TLK1: variants seen among roughly 807,000 people sequenced by gnomAD.
The protein encoded by TLK1 is tousled like kinase 1, also known as serine/threonine-protein kinase tousled-like 1.
TLK1 carries 24 observed loss-of-function variants against 105.3 expected under a neutral mutation model. The observed-to-expected ratio is 0.23, with a 90% CI of 0.17 to 0.32. The LOEUF is 0.32. TLK1 is among the 10% of genes least tolerant of loss of function. The pLI is 1.00. For missense variants in TLK1, 558 were observed against 910.5 expected, an observed-to-expected ratio of 0.61 and a Z score of 4.98; for synonymous variants, 321 against 310.4, an observed-to-expected ratio of 1.03 and a Z score of -0.36.
chr2:171,186,045 A>C (rs1232935643), intron 1 of TLK1, among the ~76,000 whole-genome samples: 1 of 152,226 alleles, frequency 6.6e-6, no homozygotes, highest in African/African-American at 2.4e-5. Flanking sequence ...CATCTTACTC[A>C]CAAGGCTTGG....
At chr2:171,219,434 A>T (rs954125598) in intron 1 of TLK1, among the ~76,000 whole-genome samples, 20 of 152,180 alleles carry the variant, frequency 1.3e-4, no homozygotes, top group Non-Finnish European at 2.5e-4. Context: ...GGTGGCTTAT[A>T]AGCAACAGAA....
At chr2:171,006,453 T>A (rs760185822) in intron 17 of TLK1, 21 bp downstream of exon 17, 219 of 1,545,200 alleles carry the variant, frequency 1.4e-4, no homozygotes, top group Non-Finnish European at 1.9e-4. Flanking sequence ...TTAAAAAAAA[T>A]TAGACAAATT....
In TLK1 at chr2:171,083,453, T is replaced by C. The variant is rs1348233872; in HGVS notation, c.259-601A>G. 4.6e-5 allele frequency among the ~76,000 whole-genome samples: 7 copies of C among 152,342 alleles called. No homozygotes were observed. The East Asian group carries it at 1.3e-3, about 29-fold the overall frequency. On this transcript the variant is annotated intron_variant, in intron 2 of 20. Coordinates refer to ENST00000431350, the MANE Select transcript of TLK1 (RefSeq NM_012290.5). ...AACTGTAACAAAGAAAGAGCTAACA[T>C]TCTGTAGGATGATGTCTGCTTTGTT...
At chr2:171,083,064 G>A (rs981100454) in intron 2 of TLK1, among the ~76,000 whole-genome samples, 1 of 152,092 alleles carries the variant, frequency 6.6e-6, no homozygotes, top group Non-Finnish European at 1.5e-5. Context: ...AGTCAATAAA[G>A]TTCTGCTGTG....
intron 1 of TLK1, among the ~76,000 whole-genome samples, chr2:171,178,125 T>C (rs549325570): frequency 6.6e-6 from 1 of 152,302 alleles, no homozygotes; most frequent in South Asian, 2.1e-4. Flanking sequence ...TACTATATGC[T>C]AGGTTCTATA....
chr2:171,086,980 T>C (rs1052303380), intron 2 of TLK1, among the ~76,000 whole-genome samples: 6 of 152,066 alleles, frequency 3.9e-5, no homozygotes, highest in Non-Finnish European at 7.4e-5. Flanking sequence ...CTAAAACAAC[T>C]AGCAGGGATG....
chr2:171,112,624 A>G (rs565110025), intron 2 of TLK1, among the ~76,000 whole-genome samples: 1 of 152,346 alleles, frequency 6.6e-6, no homozygotes, highest in East Asian at 1.9e-4. Context: ...TATTTAAGGT[A>G]TAAGAGATTA....
At chr2:171,076,892 C>T (rs1688539328) in intron 3 of TLK1, among the ~76,000 whole-genome samples, 1 of 151,346 alleles carries the variant, frequency 6.6e-6, no homozygotes, top group Non-Finnish European at 1.5e-5. Flanking sequence ...CCAGCCTAGG[C>T]AACGAGTGAG....
At chr2:171,015,016 C>G in intron 12 of TLK1, 68 bp from the exon 13 acceptor site, 1 of 1,216,456 alleles carries the variant, frequency 8.2e-7, no homozygotes, top group South Asian at 1.2e-5. Flanking sequence ...TATTTTTACC[C>G]ATGCATCAAT....
chr2:170,997,964 T>G, intron 18 of TLK1, 141 bp from the exon 19 acceptor site: 1 of 497,932 alleles, frequency 2.0e-6, no homozygotes, highest in Non-Finnish European at 3.6e-6. Context: ...CAACTGAACT[T>G]CTGGAGCATT....
chr2:171,172,492 T>C lies in TLK1; in HGVS notation c.-5-54635A>G, dbSNP rs75016629. Among the ~76,000 whole-genome samples the C allele has an allele frequency of 5.6e-3, 845 of 152,214 alleles. 7 individuals carry two copies. Among genetic ancestry groups the C allele is most frequent in the African/African-American group, 0.02 (811 of 41,516 alleles). On this transcript the variant is annotated intron_variant, in intron 1 of 20. Transcript: ENST00000521943. ...AAGTATCTACTTAAACTAGTTGATATGGTTTGAATCTGTGTCCCCACCCAA... is the reference window on the plus strand; with the variant it reads ...AAGTATCTACTTAAACTAGTTGATACGGTTTGAATCTGTGTCCCCACCCAA...
intron 1 of TLK1, among the ~76,000 whole-genome samples, chr2:171,224,536 CCTT>C (rs1361744546): frequency 1.3e-5 from 2 of 152,046 alleles, no homozygotes; most frequent in Non-Finnish European, 2.9e-5. Flanking sequence ...TAAACCTTAT[CCTT>C]CTATTATAGT....
intron 1 of TLK1, among the ~76,000 whole-genome samples, chr2:171,208,291 GTTGTT>G (rs1575659513): frequency 6.6e-6 from 1 of 152,074 alleles, no homozygotes; most frequent in African/African-American, 2.4e-5. Flanking sequence ...TATTCTCACT[GTTGTT>G]TAAGGCATTT....
At chr2:171,224,027 G>A (rs904279525) in intron 1 of TLK1, among the ~76,000 whole-genome samples, 16 of 152,032 alleles carry the variant, frequency 1.1e-4, no homozygotes, top group Admixed American at 5.9e-4. Flanking sequence ...TCTTTGCCCC[G>A]ACCAATGCTA....
At chr2:171,095,541 C>T (rs961283320) in intron 2 of TLK1, among the ~76,000 whole-genome samples, 1 of 152,028 alleles carries the variant, frequency 6.6e-6, no homozygotes, top group African/African-American at 2.4e-5. Flanking sequence ...TAGAAAGACA[C>T]AAGCTACCAA....
chr2:171,148,712 C>T (rs1691893342), intron 1 of TLK1, among the ~76,000 whole-genome samples: 1 of 142,256 alleles, frequency 7.0e-6, no homozygotes, highest in African/African-American at 3.1e-5. Flanking sequence ...GTGACACCCC[C>T]TCTCTACCAA....
chr2:171,039,036 T>C (rs1001334926), intron 11 of TLK1, among the ~76,000 whole-genome samples: 1 of 152,186 alleles, frequency 6.6e-6, no homozygotes. Context: ...TATAGCTTCC[T>C]AGTGATTTCA....
chr2:171,144,916 C>T (rs542197717), intron 1 of TLK1, among the ~76,000 whole-genome samples: 4 of 152,090 alleles, frequency 2.6e-5, no homozygotes, highest in African/African-American at 7.2e-5. Context: ...AAGATTTGAA[C>T]AAGCACTTCA....
intron 11 of TLK1, among the ~76,000 whole-genome samples, chr2:171,034,687 A>G (rs1686233536): frequency 6.6e-6 from 1 of 152,194 alleles, no homozygotes; most frequent in African/African-American, 2.4e-5. Context: ...CTGTGAATGG[A>G]CTAAAAGCCA....
Sources: allele counts gnomAD v4.1 joint callset (sites outside exome capture counted in the v4.1 genomes callset), GRCh38; gene constraint gnomAD v4.1.1; transcripts MANE v1.5; gene names NCBI Gene and HGNC (gene_info 2026-07-23, HGNC 2026-07-21).